Variants in TUT4 observed in about 807,000 individuals in gnomAD.
TUT4 encodes terminal uridylyl transferase 4, also known as terminal uridylyltransferase 4.
Under a neutral mutation model 192.2 loss-of-function variants are expected in TUT4, and 36 were observed. The observed-to-expected ratio is 0.19, with a 90% CI of 0.14 to 0.25. The LOEUF (loss-of-function observed/expected upper bound fraction) is 0.25, where lower values mean the gene tolerates loss of function less well. TUT4 is among the 10% of genes least tolerant of loss of function. The pLI, the probability that TUT4 is intolerant of heterozygous loss-of-function variation, is 1.00. For missense variants in TUT4, 1,493 were observed against 1,957.2 expected (o/e 0.76, Z 4.47); for synonymous variants, 618 against 666.0 (o/e 0.93, Z 1.11).
chr1:52,511,607 G>A (rs1677178212), intron 3 of TUT4, among the ~76,000 whole-genome samples: 1 of 152,120 alleles, frequency 6.6e-6, no homozygotes, highest in African/African-American at 2.4e-5. Context: ...GAAGGATTAA[G>A]CTGTGTGGAT....
intron 20 of TUT4, among the ~76,000 whole-genome samples, chr1:52,449,337 C>T (rs1658620146): frequency 1.3e-5 from 2 of 152,202 alleles, no homozygotes; most frequent in Admixed American, 6.5e-5. Flanking sequence ...CTCGCTCTGT[C>T]ACCCAGGCTG....
Position 52,525,797 on chromosome 1 carries a change from T to C in TUT4, c.484A>G (p.Lys162Glu). 6.2e-7 allele frequency: 1 copy of C among 1,614,190 alleles called. No individual in the cohort carries two copies. The highest frequency in any genetic ancestry group is 8.5e-7 in the Non-Finnish European group (1 of 1,180,032). Residue 162 changes from lysine to glutamate, a missense_variant, in exon 2 of 30, where the codon AAG becomes GAG. Transcript: ENST00000257177. ...KVPSSPAEAE[K>E]GPSLLLKDMR... ...TCTTTCAACAGTAAACTGGGTCCCT[T>C]TTCTGCTTCTGCTGGTGAACTTGGT...
chr1:52,492,441 G>C (rs1375537826), intron 7 of TUT4, among the ~76,000 whole-genome samples: 1 of 152,096 alleles, frequency 6.6e-6, no homozygotes, highest in Non-Finnish European at 1.5e-5. Context: ...AACGTAATAA[G>C]AAGTTATTGT....
At chr1:52,547,085 G>T (rs1688262907) in intron 1 of TUT4, among the ~76,000 whole-genome samples, 1 of 151,098 alleles carries the variant, frequency 6.6e-6, no homozygotes, top group South Asian at 2.1e-4. Context: ...GTGGAGGCCA[G>T]AAGGCAGAGG....
chr1:52,477,696 A>G lies in TUT4; in HGVS notation c.2023+12T>C, dbSNP rs1667456615. The G allele has an allele frequency of 4.4e-6, 7 of 1,601,694 alleles. No individual in the cohort carries two copies. In the East Asian group the frequency reaches 1.1e-4, roughly 26 times the overall value. ...AAATATTCTCCAAATGAAATACAAC[A>G]TATCATCTCACCTTCAATGGCTATT... On this transcript the variant is annotated intron_variant, in intron 12 of 29. Coordinates refer to ENST00000257177, the MANE Select transcript of TUT4 (RefSeq NM_001009881.3).
chr1:52,526,173 A>G lies in TUT4; in HGVS notation c.108T>C (p.Ala36=), dbSNP rs777063140. Reference sequence around the variant, plus strand: ...TTTCTTTTACGGATTTATCATTTCTAGCTTTCAATGTTTGATTACCTATAA... The same window carrying G: ...TTTCTTTTACGGATTTATCATTTCTGGCTTTCAATGTTTGATTACCTATAA... ...VQVIGNQTLK[A]RNDKSVKEIE... The change falls in exon 2 of 30, where the codon GCT becomes GCC. Residue 36 remains alanine, a synonymous_variant. Transcript: ENST00000257177. 2.5e-6 allele frequency: 4 copies of G among 1,611,880 alleles called. No individual in the cohort carries two copies. Among genetic ancestry groups the G allele is most frequent in the East Asian group, 2.2e-5 (1 of 44,844 alleles).
At chr1:52,497,848 T>C (rs1672850146) in intron 4 of TUT4, among the ~76,000 whole-genome samples, 1 of 152,184 alleles carries the variant, frequency 6.6e-6, no homozygotes, top group African/African-American at 2.4e-5. Flanking sequence ...TCCTACTATC[T>C]CCTTCATTCT....
At chr1:52,483,961 T>C (rs1570804701) in intron 9 of TUT4, among the ~76,000 whole-genome samples, 1 of 152,094 alleles carries the variant, frequency 6.6e-6, no homozygotes, top group African/African-American at 2.4e-5. Flanking sequence ...CCAGACAACA[T>C]AGCAAGACCT....
At chr1:52,456,375 G>GCACTC (rs998919499) in intron 20 of TUT4, among the ~76,000 whole-genome samples, 4 of 118,332 alleles carry the variant, frequency 3.4e-5, no homozygotes, top group Non-Finnish European at 6.4e-5. Context: ...TCATGCCACT[G>GCACTC]CACTCCAGCC....
At chr1:52,479,438 A>G (rs775869897) in intron 11 of TUT4, among the ~76,000 whole-genome samples, 2 of 152,216 alleles carry the variant, frequency 1.3e-5, no homozygotes, top group Admixed American at 6.5e-5. Context: ...GGCTAGGACC[A>G]GGAAGGTAAC....
chr1:52,487,464 T>TA (rs1207414933), intron 9 of TUT4, among the ~76,000 whole-genome samples: 2 of 151,518 alleles, frequency 1.3e-5, no homozygotes, highest in South Asian at 2.1e-4. Context: ...AAAAACTTAG[T>TA]AAAAAAAACC....
chr1:52,462,631 G>C (rs1420420113), intron 16 of TUT4: 1 of 719,102 alleles, frequency 1.4e-6, no homozygotes, highest in Non-Finnish European at 1.7e-6. Context: ...AGACATGTAT[G>C]TAAAGCACTC....
At chr1:52,440,091 T>C (rs1018371747) in intron 24 of TUT4, among the ~76,000 whole-genome samples, 4 of 152,028 alleles carry the variant, frequency 2.6e-5, no homozygotes, top group East Asian at 1.9e-4. Context: ...AGACAAAAAG[T>C]GGATTAGTGG....
rs78972625 is a variant in TUT4 at position 52,524,938 on chromosome 1, C to T, written c.718+625G>A. On this transcript the variant is annotated intron_variant, in intron 2 of 29. Coordinates refer to ENST00000257177, the MANE Select transcript of TUT4 (RefSeq NM_001009881.3). ...CAGCTGCATCTTTTGCCGTTCTCAA[C>T]CTCAACTTTCTGCTCCAGCCGTACT... is the stretch of plus-strand genomic sequence containing the variant. Among the ~76,000 whole-genome samples the T allele has an allele frequency of 3.6e-3, 549 of 152,312 alleles. 3 individuals carry two copies. The highest frequency in any genetic ancestry group is 0.013 in the African/African-American group (525 of 41,556).
At chr1:52,466,623 G>A (rs1168361477) in intron 15 of TUT4, among the ~76,000 whole-genome samples, 1 of 145,390 alleles carries the variant, frequency 6.9e-6, no homozygotes, top group African/African-American at 2.6e-5. Flanking sequence ...TTGAGCCCGG[G>A]TGACAGAGTA....
In TUT4 at chr1:52,525,582, T is replaced by A. The variant is rs528476459; in HGVS notation, c.699A>T (p.Glu233Asp). ...ACTTACTTAAATCGTCCGATACGTC[T>A]TCAATTCCTGAAGCACTATCATCAG... ...GDSDDSASGI[E>D]DVSDDLSKMK... The change falls in exon 2 of 30, where the codon GAA (glutamate) becomes GAT (aspartate). Residue 233 changes from glutamate to aspartate, a missense_variant. Around this residue, in one of 7 missense-constraint regions of TUT4, gnomAD observed 437 missense variants for 577.6 expected, o/e 0.76. Transcript: ENST00000257177. The A allele has an allele frequency of 3.8e-5, 61 of 1,609,588 alleles. 1 individual carries two copies. The South Asian group carries it at 5.9e-4, about 16-fold the overall frequency.
At chr1:52,535,857 T>C (rs1044760092) in intron 1 of TUT4, among the ~76,000 whole-genome samples, 1 of 152,150 alleles carries the variant, frequency 6.6e-6, no homozygotes, top group Non-Finnish European at 1.5e-5. Context: ...TGCAGTGACA[T>C]ATTTGAAGTC....
intron 20 of TUT4, among the ~76,000 whole-genome samples, chr1:52,452,156 G>A (rs1236512590): frequency 6.6e-6 from 1 of 152,036 alleles, no homozygotes; most frequent in African/African-American, 2.4e-5. Flanking sequence ...GACATTGTAA[G>A]TAAAGAAAAC....
chr1:52,464,344 T>A (rs1174242202), intron 16 of TUT4, among the ~76,000 whole-genome samples: 1 of 152,090 alleles, frequency 6.6e-6, no homozygotes, highest in African/African-American at 2.4e-5. Flanking sequence ...AACCTCCGCC[T>A]CCTGGGTTCA....
Sources: allele counts gnomAD v4.1 joint callset (sites outside exome capture counted in the v4.1 genomes callset), GRCh38; gene constraint gnomAD v4.1.1; regional missense constraint gnomAD v4.1.1; transcripts MANE v1.5; gene names NCBI Gene and HGNC (gene_info 2026-07-23, HGNC 2026-07-21).